Variants in NKAIN2 observed in about 807,000 individuals in gnomAD.
NKAIN2 encodes the protein sodium/potassium transporting ATPase interacting 2, also known as sodium/potassium-transporting ATPase subunit beta-1-interacting protein 2.
NKAIN2 carries 14 observed loss-of-function variants against 32.6 expected under a neutral mutation model. The ratio of observed to expected loss-of-function variants is 0.43; its 90% CI spans 0.28 to 0.67. The LOEUF is 0.67. NKAIN2 is among the 30% of genes least tolerant of loss of function. The pLI, the probability that NKAIN2 is intolerant of heterozygous loss-of-function variation, is 0.17. For missense variants in NKAIN2, 198 were observed against 258.3 expected, an observed-to-expected ratio of 0.77 and a Z score of 1.60; for synonymous variants, 80 against 87.2, an observed-to-expected ratio of 0.92 and a Z score of 0.46.
chr6:124,182,960 G>A (rs991690329), intron 1 of NKAIN2, among the ~76,000 whole-genome samples: 1 of 152,086 alleles, frequency 6.6e-6, no homozygotes, highest in African/African-American at 2.4e-5. Flanking sequence ...TAAAGCCTAA[G>A]TATTACTGAA....
chr6:124,146,462 C>T (rs1337517484), intron 1 of NKAIN2, among the ~76,000 whole-genome samples: 1 of 151,996 alleles, frequency 6.6e-6, no homozygotes, highest in Admixed American at 6.6e-5. Flanking sequence ...GGGAGGAGTG[C>T]GAGTTGAAAC....
At chr6:124,590,317 A>T (rs143927636) in intron 3 of NKAIN2, among the ~76,000 whole-genome samples, 2 of 152,272 alleles carry the variant, frequency 1.3e-5, no homozygotes, top group Non-Finnish European at 2.9e-5. Flanking sequence ...TGTACTTTGG[A>T]TGAATGATGT....
At chr6:123,852,470 TCTAA>T (rs1423111394) in intron 1 of NKAIN2, among the ~76,000 whole-genome samples, 1 of 152,184 alleles carries the variant, frequency 6.6e-6, no homozygotes. Context: ...TGTTTTACTC[TCTAA>T]CTACTACATG....
intron 3 of NKAIN2, among the ~76,000 whole-genome samples, chr6:124,369,584 A>G (rs934699691): frequency 6.6e-6 from 1 of 152,068 alleles, no homozygotes; most frequent in Non-Finnish European, 1.5e-5. Context: ...GTGTTAGTAT[A>G]TTTCATGTGA....
chr6:124,118,078 T>C (rs1460577065), intron 1 of NKAIN2, among the ~76,000 whole-genome samples: 1 of 152,110 alleles, frequency 6.6e-6, no homozygotes, highest in African/African-American at 2.4e-5. Context: ...CTTCTTGTAT[T>C]CTGGAGGTTT....
chr6:124,035,736 C>T (rs1781580931), intron 1 of NKAIN2, among the ~76,000 whole-genome samples: 1 of 152,128 alleles, frequency 6.6e-6, no homozygotes. Flanking sequence ...CCTCTTGCCA[C>T]CGTTCAAACC....
At chr6:124,023,229 C>T (rs1780953872) in intron 1 of NKAIN2, among the ~76,000 whole-genome samples, 1 of 151,672 alleles carries the variant, frequency 6.6e-6, no homozygotes, top group East Asian at 1.9e-4. Context: ...CACGCACACA[C>T]ATACACACAC....
intron 3 of NKAIN2, among the ~76,000 whole-genome samples, chr6:124,619,506 A>G (rs1276985292): frequency 6.6e-6 from 1 of 152,162 alleles, no homozygotes; most frequent in Non-Finnish European, 1.5e-5. Flanking sequence ...TGGCAATTTC[A>G]TTTCACTTGA....
chr6:124,072,293 A>T (rs1303031122), intron 1 of NKAIN2, among the ~76,000 whole-genome samples: 1 of 152,088 alleles, frequency 6.6e-6, no homozygotes, highest in Non-Finnish European at 1.5e-5. Flanking sequence ...CATGGACATA[A>T]AGATGGGGAC....
intron 3 of NKAIN2, among the ~76,000 whole-genome samples, chr6:124,418,170 G>A (rs1260166039): frequency 6.6e-6 from 1 of 151,908 alleles, no homozygotes; most frequent in Non-Finnish European, 1.5e-5. Context: ...GTGTGTGTGT[G>A]TGTGTGTCTG....
At chr6:124,147,071 G>A (rs962425904) in intron 1 of NKAIN2, among the ~76,000 whole-genome samples, 3 of 152,120 alleles carry the variant, frequency 2.0e-5, no homozygotes, top group Non-Finnish European at 4.4e-5. Context: ...ATCCAATTAT[G>A]TGTTTTCTCT....
intron 3 of NKAIN2, among the ~76,000 whole-genome samples, chr6:124,469,589 T>C (rs1776893304): frequency 3.3e-5 from 5 of 152,212 alleles, no homozygotes; most frequent in Admixed American, 1.3e-4. Flanking sequence ...AACAATCATA[T>C]AAAGCTATGT....
At chr6:124,579,003 A>G (rs1313726460) in intron 3 of NKAIN2, among the ~76,000 whole-genome samples, 1 of 152,206 alleles carries the variant, frequency 6.6e-6, no homozygotes, top group East Asian at 1.9e-4. Context: ...CAGCATCTCT[A>G]TGAGTTTGCG....
chr6:124,238,470 A>T (rs1792895372), intron 1 of NKAIN2, among the ~76,000 whole-genome samples: 1 of 152,132 alleles, frequency 6.6e-6, no homozygotes, highest in South Asian at 2.1e-4. Context: ...TAGAAGTCAC[A>T]TTCTTAGAGG....
At chr6:124,506,190 G>GA (rs1282315582) in intron 3 of NKAIN2, among the ~76,000 whole-genome samples, 8 of 141,236 alleles carry the variant, frequency 5.7e-5, no homozygotes, top group Admixed American at 2.1e-4. Context: ...AAAAAAAAAA[G>GA]AAAAAAAAAG....
At chr6:124,642,915 C>T (rs1784043095) in intron 3 of NKAIN2, among the ~76,000 whole-genome samples, 1 of 152,048 alleles carries the variant, frequency 6.6e-6, no homozygotes, top group Admixed American at 6.5e-5. Flanking sequence ...AGCACTGCTC[C>T]TGGTCATAGT....
chr6:124,328,160 C>T (rs758269007), intron 2 of NKAIN2, among the ~76,000 whole-genome samples: 26 of 152,142 alleles, frequency 1.7e-4, no homozygotes, highest in Admixed American at 9.8e-4. Context: ...TTAGTAACAG[C>T]CTGGATGTAC....
rs577230216 is a variant in NKAIN2 at position 124,155,648 on chromosome 6, G to T, written c.55-127357G>T. Reference sequence around the variant, plus strand: ...TGTTCCAGAGAGGCAATTTTGATATGATTTAACAATTCCATGATATGGAGA... The same window carrying T: ...TGTTCCAGAGAGGCAATTTTGATATTATTTAACAATTCCATGATATGGAGA... On this transcript the variant is annotated intron_variant, in intron 1 of 6. Transcript: ENST00000368417. Among the ~76,000 whole-genome samples the T allele has an allele frequency of 6.9e-4, 103 of 149,698 alleles. 3 individuals carry two copies. The South Asian group carries it at 0.019, about 28-fold the overall frequency.
At chr6:124,411,986 T>G (rs1199327319) in intron 3 of NKAIN2, among the ~76,000 whole-genome samples, 1 of 152,242 alleles carries the variant, frequency 6.6e-6, no homozygotes, top group Admixed American at 6.5e-5. Context: ...TTACTGAGGC[T>G]TGTGCATTCA....
Sources: gnomAD v4.1 joint callset for allele counts (sites outside exome capture counted in the v4.1 genomes callset) on GRCh38, gnomAD v4.1.1 for gene constraint, MANE v1.5 for transcripts, NCBI Gene and HGNC (gene_info 2026-07-23, HGNC 2026-07-21) for gene names.